The following RBM6 variants were observed in gnomAD, a reference collection of about 807,000 sequenced individuals.
RBM6 encodes the protein RNA-binding protein 6.
A neutral mutation model predicts 140.4 loss-of-function variants in RBM6; 23 were observed. The ratio of observed to expected loss-of-function variants is 0.16; its 90% CI spans 0.12 to 0.23. The LOEUF (loss-of-function observed/expected upper bound fraction) is 0.23. Among genes scored for constraint, RBM6 ranks in the 10% least tolerant of loss-of-function variants. The pLI is 1.00. For missense variants in RBM6, 1,139 were observed against 1,386.7 expected (o/e 0.82, Z 2.84); for synonymous variants, 439 against 475.6 (o/e 0.92, Z 1.00).
intron 6 of RBM6, among the ~76,000 whole-genome samples, chr3:50,035,735 G>A (rs1004326287): frequency 6.6e-6 from 1 of 151,784 alleles, no homozygotes; most frequent in African/African-American, 2.4e-5. Context: ...ACTGTTCAAA[G>A]GTCTCCCTTT....
At position 50,057,972 on chromosome 3, in the gene RBM6, T is replaced by A; in HGVS notation, c.1938T>A (p.Ser646=). 1.9e-6 allele frequency: 3 copies of A among 1,613,956 alleles called. No individual in the cohort carries two copies. In the South Asian group the frequency reaches 3.3e-5, roughly 18 times the overall value. ...GAGACCGAGAGAGGGAGTCATGGTC[T>A]GGAGAGACACGCCAGGATGGAGAGA... is the stretch of plus-strand genomic sequence containing the variant. ...FRRDRERESW[S]GETRQDGESK... is the part of the protein sequence containing the mutation. Residue 646 remains serine (S), a synonymous_variant, in exon 9 of 21, where the codon TCT becomes TCA. Coordinates refer to ENST00000266022, the MANE Select transcript of RBM6 (RefSeq NM_005777.3).
intron 6 of RBM6, among the ~76,000 whole-genome samples, chr3:50,044,997 TCTAA>T (rs2089148916): frequency 6.6e-6 from 1 of 152,220 alleles, no homozygotes; most frequent in Non-Finnish European, 1.5e-5. Context: ...CTGTCCTATG[TCTAA>T]CTATGTGCAG....
chr3:49,968,696 G>A lies in RBM6; in HGVS notation c.1271G>A (p.Ser424Asn). The A allele has an allele frequency of 6.2e-7, 1 of 1,603,870 alleles. No homozygotes were observed. The highest frequency in any genetic ancestry group is 8.5e-7 in the Non-Finnish European group (1 of 1,174,226). The change falls in exon 3 of 21, where the codon AGC becomes AAC. Residue 424 changes from serine (S) to asparagine (N), a missense_variant. This residue lies in a region of RBM6 where 566 missense variants were observed against 612.7 expected (regional missense o/e 0.92). Transcript: ENST00000266022. Reference protein sequence around the residue: ...PGSQMFGYGQSKSFPEGKTAR... With the variant: ...PGSQMFGYGQNKSFPEGKTAR... ...AGCCAGATGTTTGGCTATGGCCAGA[G>A]CAAGTCTTTTCCAGAGGGCAAAACT... is the stretch of plus-strand genomic sequence containing the variant.
At chr3:50,048,416 G>A in intron 7 of RBM6, 97 bp downstream of exon 7, 1 of 1,518,076 alleles carries the variant, frequency 6.6e-7, no homozygotes. Context: ...CATTCCCAAG[G>A]ACAAAGCTCT....
chr3:50,041,998 T>C (rs1309905521), intron 6 of RBM6, among the ~76,000 whole-genome samples: 1 of 152,216 alleles, frequency 6.6e-6, no homozygotes, highest in Admixed American at 6.5e-5. Flanking sequence ...ATTAGCTCTG[T>C]ATTCTTGGGC....
At chr3:49,948,280 C>T (rs1195752972) in intron 1 of RBM6, among the ~76,000 whole-genome samples, 2 of 152,118 alleles carry the variant, frequency 1.3e-5, no homozygotes, top group Non-Finnish European at 2.9e-5. Flanking sequence ...ATAATCTTAG[C>T]ACTTTAGGAG....
At chr3:50,053,375 T>C (rs1025929150) in intron 7 of RBM6, among the ~76,000 whole-genome samples, 1 of 151,956 alleles carries the variant, frequency 6.6e-6, no homozygotes, top group Non-Finnish European at 1.5e-5. Flanking sequence ...CTACTAAAAA[T>C]ACAAAATTAG....
intron 8 of RBM6, among the ~76,000 whole-genome samples, chr3:50,057,040 G>T (rs1437307501): frequency 1.3e-5 from 2 of 152,018 alleles, no homozygotes; most frequent in East Asian, 3.9e-4. Flanking sequence ...CTTAAGTAAG[G>T]GCCATATCTT....
intron 5 of RBM6, among the ~76,000 whole-genome samples, chr3:49,995,725 C>T (rs1331988955): frequency 6.6e-6 from 1 of 152,096 alleles, no homozygotes; most frequent in Non-Finnish European, 1.5e-5. Flanking sequence ...TTTTTTGTTA[C>T]TCTCATTGGT....
intron 5 of RBM6, among the ~76,000 whole-genome samples, chr3:49,989,465 C>T (rs1189943364): frequency 6.6e-6 from 1 of 152,078 alleles, no homozygotes; most frequent in Admixed American, 6.6e-5. Context: ...ATCCCAGCTA[C>T]TCAGGAGGCT....
intron 5 of RBM6, among the ~76,000 whole-genome samples, chr3:49,993,837 G>A (rs760695452): frequency 8.5e-5 from 13 of 152,170 alleles, no homozygotes; most frequent in Middle Eastern, 3.4e-3. Flanking sequence ...AGCTATTCGG[G>A]AGCCTGAGGC....
rs985142477 is a variant in RBM6 at position 49,951,880 on chromosome 3, G to A, written c.-66-10696G>A. On this transcript the variant is annotated intron_variant, in intron 1 of 20. Transcript: ENST00000266022. The stretch of plus-strand genomic sequence containing the variant: ...TGGGAATACAGGTGCCCGCCACCAC[G>A]CCTGGCTAATTTTTGTATTTTTAGT... Among the ~76,000 whole-genome samples the A allele has an allele frequency of 4.0e-5, 6 of 151,816 alleles. No homozygotes were observed. In the South Asian group the frequency reaches 1.0e-3, roughly 26 times the overall value.
chr3:50,053,035 G>GTGTT (rs2089541836), intron 7 of RBM6, among the ~76,000 whole-genome samples: 1 of 113,974 alleles, frequency 8.8e-6, no homozygotes, highest in African/African-American at 3.4e-5. Context: ...GTGTGTGTGT[G>GTGTT]TTTATAATCT....
chr3:50,073,592 C>T (rs1034095448), intron 19 of RBM6, among the ~76,000 whole-genome samples: 2 of 152,194 alleles, frequency 1.3e-5, no homozygotes, highest in Non-Finnish European at 2.9e-5. Flanking sequence ...ACCACAGCAT[C>T]TCCCATTCTA....
chr3:50,016,388 G>A (rs756044301), intron 6 of RBM6, among the ~76,000 whole-genome samples: 2 of 152,080 alleles, frequency 1.3e-5, no homozygotes, highest in Non-Finnish European at 2.9e-5. Flanking sequence ...ATTGTGAATA[G>A]TACTGCAGTG....
chr3:49,982,657 A>G (rs1044952056), intron 5 of RBM6, among the ~76,000 whole-genome samples: 1 of 151,710 alleles, frequency 6.6e-6, no homozygotes, highest in Non-Finnish European at 1.5e-5. Context: ...AGCTCAGGTG[A>G]TCCACCCACC....
At chr3:50,054,558 T>G (rs1575824115) in intron 8 of RBM6, among the ~76,000 whole-genome samples, 163 bp downstream of exon 8, 1 of 150,864 alleles carries the variant, frequency 6.6e-6, no homozygotes, top group Admixed American at 6.6e-5. Flanking sequence ...CAGGCTGGAG[T>G]GCAGTGGCAC....
At chr3:50,041,609 C>G (rs1436431596) in intron 6 of RBM6, among the ~76,000 whole-genome samples, 1 of 152,136 alleles carries the variant, frequency 6.6e-6, no homozygotes, top group Non-Finnish European at 1.5e-5. Flanking sequence ...CTTTTCTTCC[C>G]CGGGCTTTGC....
At chr3:50,068,843 C>T (rs889290120) in intron 18 of RBM6, 79 bp downstream of exon 18, 5 of 1,291,504 alleles carry the variant, frequency 3.9e-6, no homozygotes, top group East Asian at 2.3e-5. Flanking sequence ...CTGTGCTGAT[C>T]CCTCCTTATA....
Sources: gnomAD v4.1 joint callset for allele counts (sites outside exome capture counted in the v4.1 genomes callset) on GRCh38, gnomAD v4.1.1 for gene constraint, gnomAD v4.1.1 regional missense constraint, MANE v1.5 for transcripts, NCBI Gene and HGNC (gene_info 2026-07-23, HGNC 2026-07-21) for gene names.